DGAT2L6: variants seen among roughly 807,000 people sequenced by gnomAD.
DGAT2L6 encodes diacylglycerol O-acyltransferase 2 like 6, also known as diacylglycerol O-acyltransferase 2-like protein 6.
In DGAT2L6, 22 loss-of-function variants were observed where a neutral mutation model predicts 25.5. The observed-to-expected ratio is 0.86, with a 90% CI of 0.62 to 1.23. DGAT2L6 has a LOEUF of 1.23. Ranked by LOEUF, DGAT2L6 falls within the 50% of genes most tolerant of loss-of-function variation. The pLI is 0.00. For missense variants in DGAT2L6, 287 were observed against 253.2 expected (o/e 1.13, Z -0.91); for synonymous variants, 100 against 94.7 (o/e 1.06, Z -0.32).
chrX:70,200,750 C>T (rs193044207), intron 4 of DGAT2L6, among the ~76,000 whole-genome samples: 221 of 111,484 alleles, frequency 2.0e-3, no homozygotes, highest in African/African-American at 6.4e-3. Flanking sequence ...AAGTGCAAAT[C>T]GAGGATGAAA....
At chrX:70,180,046 G>A (rs955937701) in intron 1 of DGAT2L6, among the ~76,000 whole-genome samples, 1 of 111,238 alleles carries the variant, frequency 9.0e-6, no homozygotes, top group African/African-American at 3.3e-5. Context: ...GTGAGGATTA[G>A]CCTCCAAGTA....
At chrX:70,199,992 C>A in intron 3 of DGAT2L6, 110 bp downstream of exon 3, 2 of 816,842 alleles carry the variant, frequency 2.4e-6, no homozygotes, top group Non-Finnish European at 3.5e-6. Flanking sequence ...GGTCAAGGCC[C>A]CGAGTCATAA....
chrX:70,178,925 G>A (rs771597373), intron 1 of DGAT2L6, among the ~76,000 whole-genome samples: 1 of 112,203 alleles, frequency 8.9e-6, no homozygotes, highest in South Asian at 3.7e-4. Flanking sequence ...TTATGTTCAC[G>A]ACTACTTCAA....
intron 1 of DGAT2L6, among the ~76,000 whole-genome samples, chrX:70,177,955 C>T (rs943383421): frequency 2.4e-4 from 25 of 105,476 alleles, no homozygotes; most frequent in Non-Finnish European, 3.3e-4. Flanking sequence ...TGTGAAATCT[C>T]GTCTCTACTG....
rs141887110 is a variant in DGAT2L6, at chrX:70,201,998, G to A, written c.581G>A (p.Arg194Gln). Residue 194 changes from arginine (R) to glutamine (Q), a missense_variant, in exon 5 of 7, where the codon CGA becomes CAA. Coordinates refer to ENST00000333026, the MANE Select transcript of DGAT2L6 (RefSeq NM_198512.3). ...GGAGCTGCTGAAGCTCTCTTGTGCC[G>A]ACCAGGAGCCTCCACTCTCTTCCTC... is the stretch of plus-strand genomic sequence containing the variant. Reference protein sequence around the residue: ...VGGAAEALLCRPGASTLFLKQ... With the variant: ...VGGAAEALLCQPGASTLFLKQ... 3.5e-5 allele frequency: 42 copies of A among 1,206,637 alleles called. No homozygotes were observed. In the Middle Eastern group the frequency reaches 6.9e-4, roughly 20 times the overall value.
Position 70,205,189 on chromosome X carries a change from A to G in DGAT2L6, c.*83A>G, listed in dbSNP as rs1176500256. On this transcript the variant is annotated 3_prime_UTR_variant, in exon 7 of 7. Coordinates refer to ENST00000333026, the MANE Select transcript of DGAT2L6 (RefSeq NM_198512.3). ...CACAGAAAAAGAAGAATTCCAGGAG[A>G]GGGAAAGATCGTAAGGATGAGAGAG... The G allele has an allele frequency of 5.9e-6, 6 of 1,019,767 alleles. No individual in the cohort carries two copies. The highest frequency in any genetic ancestry group is 1.3e-6 in the Non-Finnish European group (1 of 781,242). 84.0% of individuals were successfully genotyped at this position (1,019,767 alleles called of 1,213,427 possible). A position where few individuals can be genotyped will look rare whatever the true frequency, so the allele number is the denominator to read the frequency against.
At chrX:70,204,579 A>C in intron 6 of DGAT2L6, 63 bp downstream of exon 6, 1 of 1,145,017 alleles carries the variant, frequency 8.7e-7, no homozygotes, top group Non-Finnish European at 1.2e-6. Context: ...ACTTTAAATC[A>C]TCCATCAAGT....
At chrX:70,181,758 AT>A (rs1234988841) in intron 1 of DGAT2L6, among the ~76,000 whole-genome samples, 1 of 112,005 alleles carries the variant, frequency 8.9e-6, no homozygotes, top group Non-Finnish European at 1.9e-5. Flanking sequence ...ACAAAGTGAT[AT>A]TAGGGTATCG....
chrX:70,198,690 C>T (rs759019739), intron 1 of DGAT2L6, among the ~76,000 whole-genome samples: 1 of 111,544 alleles, frequency 9.0e-6, no homozygotes, highest in East Asian at 2.8e-4. Context: ...AATCATGTGC[C>T]ACCATGCCCG....
intron 1 of DGAT2L6, among the ~76,000 whole-genome samples, chrX:70,181,025 T>A (rs1274296640): frequency 1.8e-5 from 2 of 112,309 alleles, no homozygotes; most frequent in African/African-American, 6.5e-5. Context: ...TGTACAAACA[T>A]CTCTTTGAGA....
rs1441261224 is a variant in DGAT2L6, at chrX:70,177,505, G to A, written c.-78G>A. On this transcript the variant is annotated 5_prime_UTR_variant, in exon 1 of 7. Transcript: ENST00000333026. Reference sequence around the variant, plus strand: ...CTCCACAGTAAGAGATTATAGCAAAGCATCTATAATCAACTCAGCTTAAGA... The same window carrying A: ...CTCCACAGTAAGAGATTATAGCAAAACATCTATAATCAACTCAGCTTAAGA... The A allele has an allele frequency of 2.6e-5, 24 of 923,345 alleles. No individual in the cohort carries two copies. Among genetic ancestry groups the A allele is most frequent in the Non-Finnish European group, 3.4e-5 (22 of 649,494 alleles). 76.1% of individuals were successfully genotyped at this position (923,345 alleles called of 1,213,427 possible). A position where few individuals can be genotyped will look rare whatever the true frequency, so the allele number is the denominator to read the frequency against.
At position 70,200,267 on chromosome X, in the gene DGAT2L6, C is replaced by G. The variant is rs769417853; in HGVS notation, c.280C>G (p.His94Asp). The G allele has an allele frequency of 8.3e-7, 1 of 1,209,154 alleles. No homozygotes were observed. Among genetic ancestry groups the G allele is most frequent in the Non-Finnish European group, 1.1e-6 (1 of 894,632 alleles). ...NYFPVKLVKT[H>D]DLSPKHNYII... The stretch of plus-strand genomic sequence containing the variant: ...TTCCCTCTAACAGCTGGTGAAGACT[C>G]ATGATCTTTCTCCCAAACACAACTA... The change falls in exon 4 of 7, where the codon CAT becomes GAT. Residue 94 changes from histidine to aspartate, a missense_variant. By Grantham distance (81) the His-to-Asp change is moderately conservative. Coordinates refer to ENST00000333026, the MANE Select transcript of DGAT2L6 (RefSeq NM_198512.3).
At chrX:70,199,169 G>C (rs996749343) in intron 1 of DGAT2L6, 102 bp from the exon 2 acceptor site, 7 of 497,698 alleles carry the variant, frequency 1.4e-5, no homozygotes, top group Admixed American at 1.1e-4. Flanking sequence ...TCCCACATCA[G>C]CCTAGCCCTG....
chrX:70,202,842 T>A (rs763808993), intron 5 of DGAT2L6, among the ~76,000 whole-genome samples: 16 of 111,214 alleles, frequency 1.4e-4, no homozygotes, highest in Non-Finnish European at 2.5e-4. Flanking sequence ...ATGGCTCCCA[T>A]GTCACTCAGA....
chrX:70,200,499 T>A (rs778231053), intron 4 of DGAT2L6, 40 bp downstream of exon 4: 1 of 1,132,344 alleles, frequency 8.8e-7, no homozygotes. Context: ...TTTTACCTAC[T>A]TCAAAGGTGC....
chrX:70,188,565 G>A (rs1244048814), intron 1 of DGAT2L6, among the ~76,000 whole-genome samples: 2 of 110,780 alleles, frequency 1.8e-5, no homozygotes, highest in Non-Finnish European at 3.8e-5. Context: ...AAAATATCAC[G>A]AATTCTATGC....
At chrX:70,180,420 G>T (rs1211452039) in intron 1 of DGAT2L6, among the ~76,000 whole-genome samples, 1 of 110,457 alleles carries the variant, frequency 9.1e-6, no homozygotes, top group East Asian at 2.8e-4. Context: ...CTGCACTCCA[G>T]CCTGGTGACA....
chrX:70,189,592 G>C (rs182939032), intron 1 of DGAT2L6, among the ~76,000 whole-genome samples: 55 of 111,859 alleles, frequency 4.9e-4, no homozygotes, highest in African/African-American at 1.7e-3. Context: ...AAAAATCACA[G>C]TCAGGCTATA....
At chrX:70,194,595 T>C (rs768453343) in intron 1 of DGAT2L6, among the ~76,000 whole-genome samples, 1 of 111,807 alleles carries the variant, frequency 8.9e-6, no homozygotes, top group East Asian at 2.8e-4. Flanking sequence ...CCCATGCATT[T>C]ATAGTCAACT....
Sources: gnomAD v4.1 joint callset for allele counts (sites outside exome capture counted in the v4.1 genomes callset) on GRCh38, gnomAD v4.1.1 for gene constraint, MANE v1.5 for transcripts, NCBI Gene and HGNC (gene_info 2026-07-23, HGNC 2026-07-21) for gene names.